The following PREX2 variants were observed in gnomAD, a reference collection of about 807,000 sequenced individuals.
PREX2 encodes phosphatidylinositol 3,4,5-trisphosphate-dependent Rac exchanger 2 protein.
In PREX2, 107 loss-of-function variants were observed where a neutral mutation model predicts 203.2. The observed-to-expected ratio is 0.53, with a 90% CI of 0.45 to 0.62. The LOEUF is 0.62. PREX2 is among the 20% of genes least tolerant of loss of function. PREX2 has a pLI of 0.00. For missense variants in PREX2, 1,777 were observed against 1,955.9 expected (o/e 0.91, Z 1.72); for synonymous variants, 672 against 663.6 (o/e 1.01, Z -0.19).
Position 68,071,382 on chromosome 8 carries a change from C to T in PREX2, c.1494-1113C>T, listed in dbSNP as rs534530325. ...TGCATATGGTCTGTAATAGACTACGCTTTTTCTTCTTACGATGCTTATGGA... is the reference window on the plus strand; with the variant it reads ...TGCATATGGTCTGTAATAGACTACGTTTTTTCTTCTTACGATGCTTATGGA... On this transcript the variant is annotated intron_variant, in intron 13 of 39. Transcript: ENST00000288368. Among the ~76,000 whole-genome samples, 4 of 152,204 alleles carry T rather than the reference C, an allele frequency of 2.6e-5. No individual in the cohort carries two copies. The South Asian group carries it at 8.3e-4, about 32-fold the overall frequency.
intron 11 of PREX2, among the ~76,000 whole-genome samples, chr8:68,064,130 T>C (rs1255131992): frequency 6.6e-6 from 1 of 152,134 alleles, no homozygotes; most frequent in African/African-American, 2.4e-5. Context: ...ATGCTGACAA[T>C]ATACATGTTG....
chr8:67,979,471 A>T (rs900549236), intron 1 of PREX2, among the ~76,000 whole-genome samples: 6 of 152,230 alleles, frequency 3.9e-5, no homozygotes, highest in African/African-American at 1.4e-4. Flanking sequence ...TTTCAATCCC[A>T]GCACACTTAC....
chr8:68,066,935 T>A (rs1809032634), intron 11 of PREX2, among the ~76,000 whole-genome samples: 5 of 152,078 alleles, frequency 3.3e-5, no homozygotes, highest in Admixed American at 3.3e-4. Flanking sequence ...CCCATTTAAT[T>A]ATTTTGCATG....
chr8:68,082,372 C>A (rs1371089218), intron 17 of PREX2: 1 of 152,192 alleles, frequency 6.6e-6, no homozygotes, highest in Non-Finnish European at 1.5e-5. Flanking sequence ...TGCCCAAGGT[C>A]TCTGTTTTAT....
intron 23 of PREX2, among the ~76,000 whole-genome samples, chr8:68,104,369 C>T (rs150584391): frequency 2.0e-5 from 3 of 152,298 alleles, no homozygotes; most frequent in Non-Finnish European, 4.4e-5. Context: ...CCTGCCTCCT[C>T]TGCCTCCCTC....
chr8:68,211,335 C>T (rs1278021429), intron 37 of PREX2, among the ~76,000 whole-genome samples: 2 of 152,112 alleles, frequency 1.3e-5, no homozygotes, highest in African/African-American at 4.8e-5. Flanking sequence ...ATAATTTACT[C>T]CAGGTTTACT....
In PREX2 at chr8:68,134,548, G is replaced by A. The variant is rs568178374; in HGVS notation, c.3984+272G>A. ...GTTACTAATTCTTGTATCCCTACAC[G>A]CTGACTGGAGAAGGTCATCAGAAGA... On this transcript the variant is annotated intron_variant, in intron 32 of 39. Transcript: ENST00000288368. 9.9e-5 allele frequency among the ~76,000 whole-genome samples: 15 copies of A among 152,114 alleles called. No homozygotes were observed. In the East Asian group the frequency reaches 2.3e-3, roughly 23 times the overall value.
chr8:68,151,447 TTTGTAGGCCCCAA>T (rs2129613791), intron 34 of PREX2, among the ~76,000 whole-genome samples: 1 of 152,172 alleles, frequency 6.6e-6, no homozygotes, highest in African/African-American at 2.4e-5. Flanking sequence ...TAAGGCCACA[TTTGTAGGCCCCAA>T]GGGGTTAGGA....
chr8:68,180,758 C>A (rs556902094), intron 35 of PREX2, among the ~76,000 whole-genome samples: 24 of 152,042 alleles, frequency 1.6e-4, no homozygotes, highest in Admixed American at 2.6e-4. Context: ...CTGGATTGGA[C>A]CAATGCAGTC....
At chr8:68,080,010 T>C (rs1809464846) in intron 15 of PREX2, among the ~76,000 whole-genome samples, 1 of 152,150 alleles carries the variant, frequency 6.6e-6, no homozygotes, top group Non-Finnish European at 1.5e-5. Context: ...CTTAACCCAT[T>C]TGAATTTTCC....
chr8:67,970,519 G>A (rs941489521), intron 1 of PREX2, among the ~76,000 whole-genome samples: 1 of 152,072 alleles, frequency 6.6e-6, no homozygotes, highest in Admixed American at 6.5e-5. Flanking sequence ...CACTTACTTG[G>A]CAGTTCTCAG....
At chr8:68,219,314 G>A (rs1812907795) in intron 38 of PREX2, among the ~76,000 whole-genome samples, 1 of 152,020 alleles carries the variant, frequency 6.6e-6, no homozygotes, top group Non-Finnish European at 1.5e-5. Flanking sequence ...TAGAGAAAAA[G>A]TAATATTGAT....
At chr8:68,116,785 C>G (rs1001945164) in intron 26 of PREX2, among the ~76,000 whole-genome samples, 6 of 152,150 alleles carry the variant, frequency 3.9e-5, no homozygotes, top group African/African-American at 1.4e-4. Flanking sequence ...TTCTGAGGTA[C>G]TAGGGATCAC....
intron 10 of PREX2, among the ~76,000 whole-genome samples, chr8:68,057,423 G>A (rs60390346): frequency 0.089 from 13,490 of 152,066 alleles, 1,850 homozygotes; most frequent in African/African-American, 0.29. Flanking sequence ...GGGCGAATAC[G>A]CTCCCCAACC....
chr8:68,229,073 A>G (rs1813116424), intron 39 of PREX2, among the ~76,000 whole-genome samples: 1 of 151,724 alleles, frequency 6.6e-6, no homozygotes, highest in Non-Finnish European at 1.5e-5. Context: ...GGGACAGAGT[A>G]TGATTGATGC....
intron 1 of PREX2, among the ~76,000 whole-genome samples, chr8:67,968,593 G>A (rs1333468815): frequency 1.3e-5 from 2 of 152,134 alleles, no homozygotes; most frequent in Non-Finnish European, 2.9e-5. Context: ...TCTTCTTCCT[G>A]TTTCTCTTTA....
intron 8 of PREX2, among the ~76,000 whole-genome samples, chr8:68,045,579 A>G (rs940767485): frequency 1.3e-5 from 2 of 152,082 alleles, no homozygotes; most frequent in African/African-American, 2.4e-5. Context: ...ATGAACTGTG[A>G]TTGCTGTAGG....
Position 68,232,015 on chromosome 8 carries a change from C to A in PREX2, c.*637C>A, listed in dbSNP as rs1813179044. ...TAAGGCCTCCAGCAGGACTCACTTT[C>A]TTCTAGCTGCCTTTGGGCATCCTTT... is the stretch of plus-strand genomic sequence containing the variant. On this transcript the variant is annotated 3_prime_UTR_variant, in exon 40 of 40. Coordinates refer to ENST00000288368, the MANE Select transcript of PREX2 (RefSeq NM_024870.4). 6.6e-6 allele frequency: 1 copy of A among 152,174 alleles called. No individual in the cohort carries two copies. The highest frequency in any genetic ancestry group is 2.4e-5 in the African/African-American group (1 of 41,436). The allele number at this position is 152,174 out of a possible 1,614,324, so 9.4% of individuals were successfully genotyped here. A position where few individuals can be genotyped will look rare whatever the true frequency, so the allele number is the denominator to read the frequency against.
chr8:68,050,530 C>T (rs965328564), intron 8 of PREX2, among the ~76,000 whole-genome samples: 1 of 152,150 alleles, frequency 6.6e-6, no homozygotes, highest in Non-Finnish European at 1.5e-5. Flanking sequence ...CAATCTCCTC[C>T]CACCAGGCTC....
Sources: gnomAD v4.1 joint callset for allele counts (sites outside exome capture counted in the v4.1 genomes callset) on GRCh38, gnomAD v4.1.1 for gene constraint, MANE v1.5 for transcripts, NCBI Gene and HGNC (gene_info 2026-07-23, HGNC 2026-07-21) for gene names.